The following ARID1B variants were observed in gnomAD, a reference collection of about 807,000 sequenced individuals.
ARID1B encodes the protein AT-rich interactive domain-containing protein 1B.
A neutral mutation model predicts 212.3 loss-of-function variants in ARID1B; 30 were observed. The ratio of observed to expected loss-of-function variants is 0.14; its 90% CI spans 0.11 to 0.19. The LOEUF (loss-of-function observed/expected upper bound fraction) is 0.19, where lower values mean the gene tolerates loss of function less well. Ranked by LOEUF, ARID1B falls within the 10% of genes least tolerant of loss-of-function variation. ARID1B has a pLI of 1.00. For synonymous variants in ARID1B, 1,402 were observed against 1,301.7 expected, an observed-to-expected ratio of 1.08 and a Z score of -1.66; for missense variants, 2,891 against 3,204.0, an observed-to-expected ratio of 0.90 and a Z score of 2.36.
chr6:156,887,650 G>C (rs1053101067), intron 2 of ARID1B, among the ~76,000 whole-genome samples: 2 of 152,078 alleles, frequency 1.3e-5, no homozygotes, highest in African/African-American at 4.8e-5. Context: ...AGAGAAAAAG[G>C]ATATAGGAAG....
At chr6:156,838,120 C>CTTATT (rs1027744251) in intron 2 of ARID1B, among the ~76,000 whole-genome samples, 7 of 152,192 alleles carry the variant, frequency 4.6e-5, no homozygotes, top group East Asian at 3.9e-4. Flanking sequence ...TAAGAGCATG[C>CTTATT]TTATTTTATT....
Position 156,926,385 on chromosome 6 carries a change from G to A in ARID1B, c.2137-9081G>A, listed in dbSNP as rs551443448. On this transcript the variant is annotated intron_variant, in intron 3 of 19. Coordinates refer to ENST00000636930, the MANE Select transcript of ARID1B (RefSeq NM_001374828.1). The stretch of plus-strand genomic sequence containing the variant: ...AAATAGGTGGGGGCATTATGAAACA[G>A]AAAGATTGAAAGTTCTATGGTTAAT... Among the ~76,000 whole-genome samples the A allele has an allele frequency of 1.2e-4, 18 of 152,312 alleles. No homozygotes were observed. In the East Asian group the frequency reaches 3.5e-3, roughly 29 times the overall value.
intron 8 of ARID1B, among the ~76,000 whole-genome samples, chr6:157,157,974 G>T (rs574099544): frequency 6.6e-6 from 1 of 152,334 alleles, no homozygotes; most frequent in East Asian, 1.9e-4. Flanking sequence ...GGTGAGCGAG[G>T]ATCGTGCCAG....
At chr6:156,817,285 A>C (rs575484172) in intron 1 of ARID1B, among the ~76,000 whole-genome samples, 1 of 152,062 alleles carries the variant, frequency 6.6e-6, no homozygotes, top group Non-Finnish European at 1.5e-5. Flanking sequence ...TGGAGATTGC[A>C]GTGATCTGAG....
chr6:157,206,744 A>G lies in ARID1B; in HGVS notation c.5972A>G (p.Gln1991Arg). Residue 1991 changes from glutamine to arginine, a missense_variant, in exon 20 of 20, where the codon CAG becomes CGG. Gln to Arg is a conservative substitution (Grantham distance 43). Coordinates refer to ENST00000636930, the MANE Select transcript of ARID1B (RefSeq NM_001374828.1). The surrounding 1 kb of genome is among the most constrained non-coding windows in gnomAD (Gnocchi z 6.8). ...GAAGGCAAAGGCGACTCTGAAGAGC[A>G]GCAAGAGAAAAGCATCATAGCAACC... ...EQEGKGDSEE[Q>R]QEKSIIATID... is the part of the protein sequence containing the mutation. The G allele has an allele frequency of 6.2e-7, 1 of 1,613,290 alleles. No homozygotes were observed. The highest frequency in any genetic ancestry group is 8.5e-7 in the Non-Finnish European group (1 of 1,180,024).
intron 4 of ARID1B, among the ~76,000 whole-genome samples, chr6:157,013,259 C>T (rs572713244): frequency 6.6e-6 from 1 of 152,338 alleles, no homozygotes; most frequent in Admixed American, 6.5e-5. Flanking sequence ...AGAGGCATTT[C>T]GTGCCTTCAA....
chr6:156,864,556 C>T (rs955655031), intron 2 of ARID1B, among the ~76,000 whole-genome samples: 1 of 152,202 alleles, frequency 6.6e-6, no homozygotes, highest in African/African-American at 2.4e-5. Context: ...GTAAGCTGTG[C>T]TGTCAGTAAC....
intron 2 of ARID1B, among the ~76,000 whole-genome samples, chr6:156,833,828 T>G (rs1226818269): frequency 6.6e-6 from 1 of 152,190 alleles, no homozygotes; most frequent in Non-Finnish European, 1.5e-5. Context: ...TTGCTGCATG[T>G]TTTTTGAGTA....
intron 4 of ARID1B, chr6:156,937,317 C>G (rs1228461672): frequency 6.6e-6 from 1 of 152,138 alleles, no homozygotes; most frequent in African/African-American, 2.4e-5. Flanking sequence ...TAAATAGATG[C>G]ATGGGAAGCA....
chr6:156,871,687 A>C lies in ARID1B; in HGVS notation c.1987-29689A>C, dbSNP rs1456528388. The C allele has an allele frequency of 8.7e-6, 14 of 1,605,020 alleles. No individual in the cohort carries two copies. The Admixed American group carries it at 2.4e-4, about 27-fold the overall frequency. ...TTCTTACATGCTCTTACTTGCTCCAAGTCTTTGGGACAGCATATGACAGTG... is the reference window on the plus strand; with the variant it reads ...TTCTTACATGCTCTTACTTGCTCCACGTCTTTGGGACAGCATATGACAGTG... On this transcript the variant is annotated intron_variant, in intron 2 of 19. Transcript: ENST00000636930.
At chr6:156,828,706 G>A (rs561795103) in intron 1 of ARID1B, among the ~76,000 whole-genome samples, 2 of 152,296 alleles carry the variant, frequency 1.3e-5, no homozygotes, top group South Asian at 4.2e-4. Flanking sequence ...TCTTTACCCT[G>A]GACATATGCA....
At chr6:156,936,982 G>A (rs1195734384) in intron 4 of ARID1B, 4 of 152,102 alleles carry the variant, frequency 2.6e-5, no homozygotes, top group Non-Finnish European at 2.9e-5. Flanking sequence ...TGAATCTGAT[G>A]GATATATTTT....
At chr6:156,973,625 A>C (rs1777067429) in intron 4 of ARID1B, among the ~76,000 whole-genome samples, 1 of 152,196 alleles carries the variant, frequency 6.6e-6, no homozygotes, top group Admixed American at 6.5e-5. Context: ...GAAATAAATA[A>C]AAGAAAATTC....
intron 4 of ARID1B, among the ~76,000 whole-genome samples, chr6:156,954,945 G>C (rs1358208702): frequency 1.3e-5 from 2 of 152,258 alleles, no homozygotes; most frequent in Admixed American, 1.3e-4. Flanking sequence ...AGGCATGGCT[G>C]GCGGAGGCCA....
At chr6:157,036,505 A>G (rs140012211) in intron 4 of ARID1B, 159 of 261,948 alleles carry the variant, frequency 6.1e-4, no homozygotes, top group Admixed American at 1.2e-3. Flanking sequence ...AGGCATATGC[A>G]ACATGTTGTG....
chr6:157,084,096 T>A (rs1170910447), intron 4 of ARID1B, among the ~76,000 whole-genome samples: 2 of 150,560 alleles, frequency 1.3e-5, no homozygotes, highest in Non-Finnish European at 2.9e-5. Flanking sequence ...ATCGCGCCAT[T>A]ACACTCCAGC....
chr6:157,105,344 T>C (rs1562621473), intron 5 of ARID1B, among the ~76,000 whole-genome samples: 2 of 151,994 alleles, frequency 1.3e-5, no homozygotes, highest in African/African-American at 4.8e-5. Context: ...AAATTTCCGC[T>C]ACAAAAGACA....
chr6:156,888,267 C>T (rs904536150), intron 2 of ARID1B, among the ~76,000 whole-genome samples: 5 of 152,180 alleles, frequency 3.3e-5, no homozygotes, highest in African/African-American at 1.2e-4. Flanking sequence ...CAAGAAGCTC[C>T]TCTGTAATTC....
chr6:157,197,750 A>G (rs1313054262), intron 16 of ARID1B, among the ~76,000 whole-genome samples: 1 of 152,234 alleles, frequency 6.6e-6, no homozygotes, highest in African/African-American at 2.4e-5. Context: ...GATTAGAAGA[A>G]CAATTATCTG....
Sources: allele counts gnomAD v4.1 joint callset (sites outside exome capture counted in the v4.1 genomes callset), GRCh38; gene constraint gnomAD v4.1.1; non-coding constraint Gnocchi (gnomAD v3.1); transcripts MANE v1.5; gene names NCBI Gene and HGNC (gene_info 2026-07-23, HGNC 2026-07-21).